The following MEF2C variants were observed in gnomAD, a reference collection of about 807,000 sequenced individuals.
MEF2C encodes the protein myocyte enhancer factor 2C.
Under a neutral mutation model 50.5 loss-of-function variants are expected in MEF2C, and 6 were observed. That is an observed-to-expected ratio of 0.12 (90% CI 0.07 to 0.23). The LOEUF is 0.23. Ranked by LOEUF, MEF2C falls within the 10% of genes least tolerant of loss-of-function variation. The pLI, the probability that MEF2C is intolerant of heterozygous loss-of-function variation, is 1.00. For synonymous variants in MEF2C, 183 were observed against 228.0 expected (o/e 0.80, Z 1.78); for missense variants, 276 against 605.0 (o/e 0.46, Z 5.70).
intron 1 of MEF2C, among the ~76,000 whole-genome samples, chr5:88,846,037 A>T: frequency 1.3e-5 from 2 of 150,096 alleles, no homozygotes; most frequent in Non-Finnish European, 3.0e-5. Context: ...TTACATATTT[A>T]CTCCTATAAT....
intron 1 of MEF2C, among the ~76,000 whole-genome samples, chr5:88,848,255 A>G (rs1348611641): frequency 6.6e-6 from 1 of 152,200 alleles, no homozygotes; most frequent in African/African-American, 2.4e-5. Context: ...AATGATCTGT[A>G]TTTGAAAGAC....
intron 3 of MEF2C, among the ~76,000 whole-genome samples, chr5:88,773,592 A>G (rs894782669): frequency 1.3e-5 from 2 of 152,214 alleles, no homozygotes; most frequent in Non-Finnish European, 2.9e-5. Context: ...ATCCTTGGCA[A>G]CTAGTAGGAT....
chr5:88,851,513 T>C (rs1821345073), intron 1 of MEF2C, among the ~76,000 whole-genome samples: 1 of 152,190 alleles, frequency 6.6e-6, no homozygotes, highest in African/African-American at 2.4e-5. Context: ...TCTTCCATTT[T>C]GATGTCAATC....
At chr5:88,765,330 T>C (rs1416716496) in intron 3 of MEF2C, among the ~76,000 whole-genome samples, 1 of 152,212 alleles carries the variant, frequency 6.6e-6, no homozygotes, top group African/African-American at 2.4e-5. Context: ...TGAGTGCTTG[T>C]ATAACACATT....
intron 1 of MEF2C, among the ~76,000 whole-genome samples, chr5:88,897,109 CAATT>C (rs1283989623): frequency 6.6e-6 from 1 of 152,124 alleles, no homozygotes; most frequent in Non-Finnish European, 1.5e-5. Context: ...TATTTCTAAA[CAATT>C]GATGATGCAT....
intron 3 of MEF2C, among the ~76,000 whole-genome samples, chr5:88,798,274 C>T (rs958847327): frequency 6.6e-6 from 1 of 152,144 alleles, no homozygotes; most frequent in Admixed American, 6.6e-5. Flanking sequence ...TTAGGTACAC[C>T]AATCAAATGT....
chr5:88,805,811 G>C (rs900437988), intron 2 of MEF2C, among the ~76,000 whole-genome samples: 1 of 147,128 alleles, frequency 6.8e-6, no homozygotes, highest in African/African-American at 2.5e-5. Flanking sequence ...CTACTGAAAA[G>C]GCGTGAACAT....
chr5:88,790,547 C>T (rs187146438), intron 3 of MEF2C, among the ~76,000 whole-genome samples: 3 of 152,262 alleles, frequency 2.0e-5, no homozygotes, highest in Admixed American at 1.3e-4. Context: ...AATACTGTAC[C>T]TTGGTCTGGA....
intron 3 of MEF2C, among the ~76,000 whole-genome samples, chr5:88,766,049 A>G (rs1285352706): frequency 1.3e-5 from 2 of 152,214 alleles, no homozygotes; most frequent in Non-Finnish European, 2.9e-5. Flanking sequence ...GACATATTCC[A>G]AGCAATAAAT....
rs1000414230 is a variant in MEF2C, at chr5:88,835,307, C to T, written c.-142-11377G>A. Among the ~76,000 whole-genome samples, 5 of 152,222 alleles carry T rather than the reference C, an allele frequency of 3.3e-5. No homozygotes were observed. In the East Asian group the frequency reaches 7.7e-4, roughly 23 times the overall value. On this transcript the variant is annotated intron_variant, in intron 1 of 10. Transcript: ENST00000504921. ...TTGATTTATTTCATCTCTCAAAGGA[C>T]CCAACTCCCAAGTAATCAGCAGAGC...
chr5:88,865,114 C>T (rs1349885771), intron 1 of MEF2C, among the ~76,000 whole-genome samples: 1 of 152,062 alleles, frequency 6.6e-6, no homozygotes, highest in Admixed American at 6.5e-5. Flanking sequence ...CCAGGCTGGT[C>T]TCAAACTCCT....
intron 1 of MEF2C, among the ~76,000 whole-genome samples, chr5:88,834,274 T>A (rs900192580): frequency 6.6e-6 from 1 of 152,160 alleles, no homozygotes; most frequent in African/African-American, 2.4e-5. Flanking sequence ...ACATGTAACA[T>A]ACTTGGTGTA....
At chr5:88,889,694 G>A (rs1343376655) in intron 1 of MEF2C, among the ~76,000 whole-genome samples, 1 of 152,080 alleles carries the variant, frequency 6.6e-6, no homozygotes, top group Non-Finnish European at 1.5e-5. Context: ...TGGTAAAGAG[G>A]GTGCGTGATG....
intron 1 of MEF2C, among the ~76,000 whole-genome samples, chr5:88,851,232 A>G (rs1258956602): frequency 1.5e-5 from 1 of 67,068 alleles, no homozygotes; most frequent in Non-Finnish European, 3.1e-5. Flanking sequence ...ACTCCATCTC[A>G]CAAAAAAAAA....
chr5:88,807,112 A>G (rs777078825), intron 2 of MEF2C, among the ~76,000 whole-genome samples: 5 of 152,364 alleles, frequency 3.3e-5, no homozygotes, highest in Non-Finnish European at 7.3e-5. Context: ...ATTTTATCAT[A>G]TGACATTGAA....
At chr5:88,743,233 A>G in intron 6 of MEF2C, 1 of 983,866 alleles carries the variant, frequency 1.0e-6, no homozygotes, top group Non-Finnish European at 1.2e-6. Context: ...GAATATTGCA[A>G]TCTTAAGTTA....
intron 6 of MEF2C, chr5:88,734,973 G>A (rs1763508416): frequency 1.0e-6 from 1 of 985,082 alleles, no homozygotes; most frequent in Non-Finnish European, 1.2e-6. Context: ...GCTGTTTTTA[G>A]CATATTGTGC....
In MEF2C at chr5:88,819,416, T is replaced by C. The variant is rs1352257529; in HGVS notation, c.54+4319A>G. Reference sequence around the variant, plus strand: ...AGCTTTGCGATATCTGGGTCCTGTCTAACATCCAATCTTTTCTCTCATTTC... The same window carrying C: ...AGCTTTGCGATATCTGGGTCCTGTCCAACATCCAATCTTTTCTCTCATTTC... On this transcript the variant is annotated intron_variant, in intron 2 of 10. Coordinates refer to ENST00000504921, the MANE Select transcript of MEF2C (RefSeq NM_002397.5). 4.1e-6 allele frequency: 4 copies of C among 979,822 alleles called. No homozygotes were observed. The South Asian group carries it at 1.9e-4, about 46-fold the overall frequency. The allele number at this position is 979,822 out of a possible 1,614,324, so 60.7% of individuals were successfully genotyped here.
rs915124127 is a variant in MEF2C at position 88,801,530 on chromosome 5, T to C, written c.258+3068A>G. Among the ~76,000 whole-genome samples, 36 of 151,652 alleles carry C rather than the reference T, an allele frequency of 2.4e-4. 1 individual carries two copies. The highest frequency in any genetic ancestry group is 9.2e-4 in the Admixed American group (14 of 15,220). On this transcript the variant is annotated intron_variant, in intron 3 of 10. Transcript: ENST00000504921. Reference sequence around the variant, plus strand: ...TTTTTTGAGACGGAGTCTCACCCTGTCGCCTGCGCCAGAGTGCAGTGGCGC... The same window carrying C: ...TTTTTTGAGACGGAGTCTCACCCTGCCGCCTGCGCCAGAGTGCAGTGGCGC...
Sources: allele counts gnomAD v4.1 joint callset (sites outside exome capture counted in the v4.1 genomes callset), GRCh38; gene constraint gnomAD v4.1.1; transcripts MANE v1.5; gene names NCBI Gene and HGNC (gene_info 2026-07-23, HGNC 2026-07-21).